MESD: variants seen among roughly 807,000 people sequenced by gnomAD.
The protein encoded by MESD is mesoderm development LRP chaperone.
A neutral mutation model predicts 12.9 loss-of-function variants in MESD; 7 were observed. The observed-to-expected ratio is 0.54, with a 90% CI of 0.31 to 1.02. The LOEUF is 1.02. MESD is among the 50% of genes least tolerant of loss of function. MESD has a pLI of 0.05. For synonymous variants in MESD, 126 were observed against 115.6 expected, an observed-to-expected ratio of 1.09 and a Z score of -0.58; for missense variants, 342 against 296.7, an observed-to-expected ratio of 1.15 and a Z score of -1.12.
chr15:80,955,618 T>TGC (rs755177226), intron 3 of MESD, among the ~76,000 whole-genome samples: 1 of 139,572 alleles, frequency 7.2e-6, no homozygotes, highest in African/African-American at 3.0e-5. Flanking sequence ...TGTTTGTGCG[T>TGC]GTGTGTGTGT....
intron 3 of MESD, among the ~76,000 whole-genome samples, chr15:80,960,420 C>T (rs1252798977): frequency 6.6e-6 from 1 of 150,426 alleles, no homozygotes; most frequent in Non-Finnish European, 1.5e-5. Flanking sequence ...CAGTTTGTAC[C>T]TTTCAAGATC....
At chr15:80,952,424 G>A (rs1189851194) in intron 3 of MESD, 1 of 283,858 alleles carries the variant, frequency 3.5e-6, no homozygotes, top group African/African-American at 2.2e-5. Flanking sequence ...TAAATTAAAT[G>A]CAATTAAAAA....
chr15:80,982,990 C>T (rs1283548321), intron 1 of MESD, among the ~76,000 whole-genome samples: 1 of 152,130 alleles, frequency 6.6e-6, no homozygotes, highest in East Asian at 1.9e-4. Flanking sequence ...ACCTGTAGTC[C>T]CAGCTACTCA....
chr15:80,978,756 C>T lies in MESD; in HGVS notation c.*463G>A, dbSNP rs1902488202. 1 of 154,590 alleles carries T rather than the reference C, an allele frequency of 6.5e-6. No individual in the cohort carries two copies. The highest frequency in any genetic ancestry group is 6.5e-5 in the Admixed American group (1 of 15,412). 9.6% of individuals were successfully genotyped at this position (154,590 alleles called of 1,614,324 possible). ...GCTACAGACATCTGAGTTCACAAAGCATATTTTACCTTTAACATAATGAAA... is the reference window on the plus strand; with the variant it reads ...GCTACAGACATCTGAGTTCACAAAGTATATTTTACCTTTAACATAATGAAA... On this transcript the variant is annotated 3_prime_UTR_variant, in exon 3 of 3. Coordinates refer to ENST00000261758, the MANE Select transcript of MESD (RefSeq NM_015154.3).
intron 3 of MESD, among the ~76,000 whole-genome samples, chr15:80,963,149 TACC>T (rs929350460): frequency 1.2e-4 from 18 of 152,274 alleles, no homozygotes; most frequent in Non-Finnish European, 2.1e-4. Context: ...AAGTGGATAT[TACC>T]ACCAATTCCA....
intron 3 of MESD, among the ~76,000 whole-genome samples, chr15:80,953,784 A>T (rs762512670): frequency 2.0e-5 from 3 of 152,142 alleles, no homozygotes; most frequent in Non-Finnish European, 4.4e-5. Flanking sequence ...TCACTCATGG[A>T]GGCTGGGGTG....
intron 1 of MESD, 38 bp downstream of exon 1, chr15:80,989,541 A>C (rs1278007058): frequency 1.9e-6 from 3 of 1,597,574 alleles, no homozygotes; most frequent in Non-Finnish European, 2.6e-6. Flanking sequence ...AGGGTCCCGC[A>C]CAGAGAAGAG....
At chr15:80,959,108 A>T (rs1276046408) in intron 3 of MESD, among the ~76,000 whole-genome samples, 8 of 152,216 alleles carry the variant, frequency 5.3e-5, no homozygotes, top group Admixed American at 1.3e-4. Context: ...AGAGATTGAC[A>T]TTTTACTTCT....
At chr15:80,985,112 AC>A (rs1334872028) in intron 1 of MESD, among the ~76,000 whole-genome samples, 1 of 152,174 alleles carries the variant, frequency 6.6e-6, no homozygotes, top group African/African-American at 2.4e-5. Flanking sequence ...CCACTCTGCC[AC>A]CCTCTCAACT....
chr15:80,969,237 C>T (rs1181066851), intron 3 of MESD, among the ~76,000 whole-genome samples: 1 of 152,122 alleles, frequency 6.6e-6, no homozygotes, highest in Non-Finnish European at 1.5e-5. Context: ...GACCTGCACA[C>T]AGTGGGTAGC....
intron 3 of MESD, among the ~76,000 whole-genome samples, chr15:80,959,187 G>A (rs1902041944): frequency 6.6e-6 from 1 of 152,230 alleles, no homozygotes. Context: ...GGGGGAGACA[G>A]TTTTCCGGAG....
At chr15:80,989,028 A>T (rs1412390242) in intron 1 of MESD, among the ~76,000 whole-genome samples, 1 of 152,202 alleles carries the variant, frequency 6.6e-6, no homozygotes. Context: ...CCCTCAGTAA[A>T]ATAAATCCAC....
At chr15:80,987,541 T>G (rs1596239844) in intron 1 of MESD, among the ~76,000 whole-genome samples, 1 of 150,176 alleles carries the variant, frequency 6.7e-6, no homozygotes, top group Admixed American at 6.7e-5. Context: ...CAGGCTGGAG[T>G]GCAGTGGCAT....
intron 3 of MESD, among the ~76,000 whole-genome samples, chr15:80,956,045 C>A (rs1458192831): frequency 6.6e-6 from 1 of 151,890 alleles, no homozygotes; most frequent in East Asian, 1.9e-4. Context: ...CAAAAATTAC[C>A]CAGGCGTGAT....
Position 80,989,653 on chromosome 15 carries a change from G to C in MESD, c.139C>G (p.Pro47Ala). The change falls in exon 1 of 3, where the codon CCT becomes GCT. Residue 47 changes from proline (P) to alanine (A), a missense_variant. Pro to Ala is a conservative substitution (Grantham distance 27). Transcript: ENST00000261758. The part of the protein sequence containing the change: ...SPGTPDESTP[P>A]PRKKKKDIRD... ...ATATCCTTCTTCTTCTTCCGGGGAG[G>C]TGGGGTAGACTCGTCGGGCGTCCCG... 1 of 1,613,928 alleles carries C rather than the reference G, an allele frequency of 6.2e-7. No homozygotes were observed. Among genetic ancestry groups the C allele is most frequent in the South Asian group, 1.1e-5 (1 of 91,078 alleles).
chr15:80,958,661 C>T (rs957934168), intron 3 of MESD, among the ~76,000 whole-genome samples: 2 of 151,992 alleles, frequency 1.3e-5, no homozygotes, highest in Non-Finnish European at 2.9e-5. Context: ...TATCCAAACA[C>T]TCATCAAGGT....
intron 1 of MESD, among the ~76,000 whole-genome samples, chr15:80,984,620 T>C (rs1596238387): frequency 6.6e-6 from 1 of 150,936 alleles, no homozygotes; most frequent in Non-Finnish European, 1.5e-5. Context: ...AGGGGAGGAG[T>C]GGTTGAAGGT....
intron 2 of MESD, among the ~76,000 whole-genome samples, chr15:80,980,863 C>T (rs1377128969): frequency 2.0e-5 from 3 of 151,174 alleles, no homozygotes; most frequent in Non-Finnish European, 4.4e-5. Flanking sequence ...CTTGCTCTGC[C>T]GCCAGGCTGG....
At chr15:80,952,867 C>A in intron 3 of MESD, 2 of 423,858 alleles carry the variant, frequency 4.7e-6, no homozygotes, top group Non-Finnish European at 9.4e-6. Context: ...TATTTTTGCA[C>A]CCCTGCTCTG....
Sources: allele counts gnomAD v4.1 joint callset (sites outside exome capture counted in the v4.1 genomes callset), GRCh38; gene constraint gnomAD v4.1.1; transcripts MANE v1.5; gene names NCBI Gene and HGNC (gene_info 2026-07-23, HGNC 2026-07-21).